Variants in DSCAM observed in about 807,000 individuals in gnomAD.
DSCAM encodes the protein cell adhesion molecule DSCAM.
In DSCAM, 47 loss-of-function variants were observed where a neutral mutation model predicts 217.7. The observed-to-expected ratio is 0.22, with a 90% CI of 0.17 to 0.28. DSCAM has a LOEUF of 0.28. DSCAM is among the 10% of genes least tolerant of loss of function. The pLI is 1.00. For missense variants in DSCAM, 2,080 were observed against 2,618.3 expected (o/e 0.79, Z 4.49); for synonymous variants, 1,056 against 1,015.3 (o/e 1.04, Z -0.76).
chr21:40,644,871 A>G lies in DSCAM; in HGVS notation c.508+47939T>C, dbSNP rs558973721. ...CGTTCCATCCCTAAAATCTGAGGAG[A>G]TATATAGTCATTCTTCTTTTTAAAA... On this transcript the variant is annotated intron_variant, in intron 3 of 32. Transcript: ENST00000400454. Among the ~76,000 whole-genome samples, 3 of 152,322 alleles carry G rather than the reference A, an allele frequency of 2.0e-5. No individual in the cohort carries two copies. In the South Asian group the frequency reaches 6.2e-4, roughly 32 times the overall value.
chr21:40,013,802 G>T (rs1461236482), intron 32 of DSCAM, among the ~76,000 whole-genome samples: 1 of 152,176 alleles, frequency 6.6e-6, no homozygotes, highest in Non-Finnish European at 1.5e-5. Context: ...AGCCAGGGAC[G>T]CCAAGCGAAG....
At chr21:40,297,521 C>T (rs1315748442) in intron 9 of DSCAM, among the ~76,000 whole-genome samples, 1 of 152,150 alleles carries the variant, frequency 6.6e-6, no homozygotes, top group African/African-American at 2.4e-5. Flanking sequence ...AATTTTGAGA[C>T]ATAAATGTGA....
At chr21:40,116,212 G>A (rs1373773982) in intron 20 of DSCAM, among the ~76,000 whole-genome samples, 1 of 152,108 alleles carries the variant, frequency 6.6e-6, no homozygotes, top group East Asian at 1.9e-4. Flanking sequence ...CTACTAATGG[G>A]TATTAGGATT....
chr21:40,469,714 A>G (rs1177532322), intron 3 of DSCAM, among the ~76,000 whole-genome samples: 2 of 152,242 alleles, frequency 1.3e-5, no homozygotes, highest in African/African-American at 4.8e-5. Flanking sequence ...TACATGAATA[A>G]GATTGAAAAA....
chr21:40,821,448 T>C (rs1255184419), intron 1 of DSCAM, among the ~76,000 whole-genome samples: 1 of 151,768 alleles, frequency 6.6e-6, no homozygotes, highest in Non-Finnish European at 1.5e-5. Flanking sequence ...TGCCTAGCCC[T>C]CTTCTCAAAC....
chr21:40,252,389 T>C lies in DSCAM; in HGVS notation c.2356+23708A>G, dbSNP rs115473525. Among the ~76,000 whole-genome samples, 440 of 152,308 alleles carry C rather than the reference T, an allele frequency of 2.9e-3. 3 individuals are homozygous for C. The highest frequency in any genetic ancestry group is 8.8e-3 in the African/African-American group (364 of 41,568). ...TTAAGTTATGAGGAGTATCTGCCCA[T>C]AGATATAAACAGCATTGTCTCACAT... On this transcript the variant is annotated intron_variant, in intron 11 of 32. Transcript: ENST00000400454.
chr21:40,020,784 C>G (rs760976042), intron 32 of DSCAM, among the ~76,000 whole-genome samples: 12 of 152,200 alleles, frequency 7.9e-5, no homozygotes, highest in Non-Finnish European at 1.6e-4. Context: ...AGCCCAGGCC[C>G]AGCATGAATA....
intron 3 of DSCAM, among the ~76,000 whole-genome samples, chr21:40,485,312 G>A (rs1320008207): frequency 5.4e-5 from 8 of 146,996 alleles, no homozygotes; most frequent in East Asian, 2.0e-4. Flanking sequence ...GCGCGATCTC[G>A]GCTCACTGCA....
At chr21:40,581,412 G>A (rs544072502) in intron 3 of DSCAM, among the ~76,000 whole-genome samples, 1 of 152,234 alleles carries the variant, frequency 6.6e-6, no homozygotes, top group South Asian at 2.1e-4. Context: ...TGTTTTACAG[G>A]CGAAGAAATA....
chr21:40,079,775 T>C (rs2089425928), intron 25 of DSCAM, among the ~76,000 whole-genome samples: 1 of 150,378 alleles, frequency 6.6e-6, no homozygotes, highest in Non-Finnish European at 1.5e-5. Flanking sequence ...AAGCGGTGGC[T>C]ATGTGGCAAT....
chr21:40,372,620 T>C (rs1244530419), intron 3 of DSCAM, among the ~76,000 whole-genome samples: 1 of 152,212 alleles, frequency 6.6e-6, no homozygotes, highest in African/African-American at 2.4e-5. Context: ...GGTCCCAGAC[T>C]GCCAGATGTT....
Position 40,013,031 on chromosome 21 carries a change from C to A in DSCAM, c.*3G>T. 2 of 1,458,128 alleles carry A rather than the reference C, an allele frequency of 1.4e-6. No individual in the cohort carries two copies. Among genetic ancestry groups the A allele is most frequent in the Non-Finnish European group, 1.8e-6 (2 of 1,101,834 alleles). The allele number at this position is 1,458,128 out of a possible 1,614,324, so 90.3% of individuals were successfully genotyped here. A position where few individuals can be genotyped will look rare whatever the true frequency, so the allele number is the denominator to read the frequency against. ...TACAACCGCTGTCCAGTCATGCTGT[C>A]TGTTATACCAGGGTGTAAGATTTTG... On this transcript the variant is annotated 3_prime_UTR_variant, in exon 33 of 33. Coordinates refer to ENST00000400454, the MANE Select transcript of DSCAM (RefSeq NM_001389.5).
At chr21:40,372,723 T>G (rs2074911007) in intron 3 of DSCAM, among the ~76,000 whole-genome samples, 1 of 152,246 alleles carries the variant, frequency 6.6e-6, no homozygotes, top group Non-Finnish European at 1.5e-5. Flanking sequence ...AGTATCTTTG[T>G]CAACACACAG....
intron 31 of DSCAM, 131 bp from the exon 32 acceptor site, chr21:40,042,804 T>C: frequency 1.2e-6 from 1 of 853,832 alleles, no homozygotes; most frequent in South Asian, 1.8e-5. Flanking sequence ...TCTGGCTCCT[T>C]GGCGGAGGCT....
rs550839157 is a variant in DSCAM at position 40,622,412 on chromosome 21, A to C, written c.508+70398T>G. On this transcript the variant is annotated intron_variant, in intron 3 of 32. Transcript: ENST00000400454. ...AGTCTGTAGGTAACTAATGAACACCATAAATTCCACCTGTCATAGGGGTTT... is the reference window on the plus strand; with the variant it reads ...AGTCTGTAGGTAACTAATGAACACCCTAAATTCCACCTGTCATAGGGGTTT... Among the ~76,000 whole-genome samples, 58 of 152,288 alleles carry C rather than the reference A, an allele frequency of 3.8e-4. No homozygotes were observed. In the South Asian group the frequency reaches 0.011, roughly 28 times the overall value.
chr21:40,739,859 C>G (rs1471194787), intron 1 of DSCAM, among the ~76,000 whole-genome samples: 1 of 148,918 alleles, frequency 6.7e-6, no homozygotes, highest in Non-Finnish European at 1.5e-5. Flanking sequence ...GCTTCTTTCA[C>G]TTTACAGTTT....
At chr21:40,596,519 C>A (rs1181366859) in intron 3 of DSCAM, among the ~76,000 whole-genome samples, 1 of 152,178 alleles carries the variant, frequency 6.6e-6, no homozygotes, top group African/African-American at 2.4e-5. Flanking sequence ...TTCCACAGCA[C>A]AAAGAACCAA....
chr21:40,572,238 T>C (rs944312652), intron 3 of DSCAM, among the ~76,000 whole-genome samples: 8 of 152,158 alleles, frequency 5.3e-5, no homozygotes, highest in Non-Finnish European at 1.2e-4. Context: ...ATTGTGATAG[T>C]CTTAGATTTT....
rs117213401 is a variant in DSCAM, at chr21:40,014,543, T to C, written c.5687-1157A>G. Among the ~76,000 whole-genome samples, 6 of 152,316 alleles carry C rather than the reference T, an allele frequency of 3.9e-5. No homozygotes were observed. The East Asian group carries it at 7.7e-4, about 20-fold the overall frequency. On this transcript the variant is annotated intron_variant, in intron 32 of 32. Coordinates refer to ENST00000400454, the MANE Select transcript of DSCAM (RefSeq NM_001389.5). ...TTTTCTCATGGCCGTCCCCGCCCGA[T>C]GCAGGATCTCCCTAACAGGCATCCT... is the stretch of plus-strand genomic sequence containing the variant.
Sources: allele counts gnomAD v4.1 joint callset (sites outside exome capture counted in the v4.1 genomes callset), GRCh38; gene constraint gnomAD v4.1.1; transcripts MANE v1.5; gene names NCBI Gene and HGNC (gene_info 2026-07-23, HGNC 2026-07-21).